Variants in KCNAB1 observed in about 807,000 individuals in gnomAD.
KCNAB1 encodes the protein voltage-gated potassium channel subunit beta-1.
In KCNAB1, 35 loss-of-function variants were observed where a neutral mutation model predicts 64.6. The observed-to-expected ratio is 0.54, with a 90% CI of 0.41 to 0.72. The LOEUF (loss-of-function observed/expected upper bound fraction) is 0.72. Ranked by LOEUF, KCNAB1 falls within the 30% of genes least tolerant of loss-of-function variation. The probability of loss-of-function intolerance (pLI) is 0.00; values close to 1 mark genes in which losing one functional copy is unlikely to be tolerated. For missense variants in KCNAB1, 401 were observed against 512.9 expected (o/e 0.78, Z 2.11); for synonymous variants, 177 against 183.8 (o/e 0.96, Z 0.30).
At chr3:156,219,695 TTTATTATTATTATTATTATTATTA>T (rs139168632) in intron 1 of KCNAB1, among the ~76,000 whole-genome samples, 2 of 146,740 alleles carry the variant, frequency 1.4e-5, no homozygotes, top group African/African-American at 5.0e-5. Context: ...AAGGAATCTT[TTTATTATTATTATTATTATTATTA>T]TTATTATTAT....
At chr3:156,501,457 T>A (rs1228956988) in intron 8 of KCNAB1, among the ~76,000 whole-genome samples, 1 of 123,776 alleles carries the variant, frequency 8.1e-6, no homozygotes, top group Non-Finnish European at 1.6e-5. Context: ...TTGAGAGGAG[T>A]CTCGCTCTGT....
chr3:156,271,393 C>A (rs1298656584), intron 1 of KCNAB1, among the ~76,000 whole-genome samples: 1 of 152,008 alleles, frequency 6.6e-6, no homozygotes, highest in Non-Finnish European at 1.5e-5. Flanking sequence ...TCTTTTGTCT[C>A]CTTTGACTGT....
At chr3:156,398,723 TTATA>T (rs367564252) in intron 1 of KCNAB1, among the ~76,000 whole-genome samples, 10 of 149,158 alleles carry the variant, frequency 6.7e-5, no homozygotes, top group African/African-American at 2.2e-4. Context: ...GAACTTAAAG[TTATA>T]TATATATATA....
chr3:156,300,342 C>G (rs2107986030), intron 1 of KCNAB1, among the ~76,000 whole-genome samples: 1 of 152,326 alleles, frequency 6.6e-6, no homozygotes, highest in Middle Eastern at 3.4e-3. Context: ...CATAAGGTTG[C>G]TGGTACTTGA....
intron 1 of KCNAB1, among the ~76,000 whole-genome samples, chr3:156,411,213 G>C (rs1714637363): frequency 6.6e-6 from 1 of 151,776 alleles, no homozygotes; most frequent in East Asian, 1.9e-4. Context: ...TTTTTCATAT[G>C]CTTATTTGCC....
intron 1 of KCNAB1, among the ~76,000 whole-genome samples, chr3:156,280,902 A>C (rs1046389284): frequency 1.3e-5 from 2 of 148,750 alleles, no homozygotes; most frequent in Middle Eastern, 3.5e-3. Context: ...CAATCATGTC[A>C]TCTGCAAACA....
intron 1 of KCNAB1, among the ~76,000 whole-genome samples, chr3:156,292,708 A>AT (rs1401244049): frequency 6.6e-6 from 1 of 152,042 alleles, no homozygotes; most frequent in African/African-American, 2.4e-5. Flanking sequence ...CACCCGGCTC[A>AT]TTTTTTATGT....
intron 1 of KCNAB1, among the ~76,000 whole-genome samples, chr3:156,420,958 CAT>C (rs149257099): frequency 3.3e-5 from 5 of 149,610 alleles, no homozygotes; most frequent in African/African-American, 7.3e-5. Flanking sequence ...CACACACACA[CAT>C]ATATATGTAA....
At chr3:156,489,793 A>G (rs1715503736) in intron 8 of KCNAB1, among the ~76,000 whole-genome samples, 1 of 152,080 alleles carries the variant, frequency 6.6e-6, no homozygotes, top group South Asian at 2.1e-4. Context: ...ATGACTTAGC[A>G]GAACTGAGGA....
chr3:156,528,395 T>C (rs757665638), intron 12 of KCNAB1, among the ~76,000 whole-genome samples: 2 of 152,234 alleles, frequency 1.3e-5, no homozygotes, highest in Non-Finnish European at 2.9e-5. Context: ...AAACATTTAA[T>C]AAGTTCCTAC....
chr3:156,143,569 G>GTTTTTTTGTTTTTTTTTTTTTTTT (rs1553807970), intron 1 of KCNAB1: 1 of 281,598 alleles, frequency 3.6e-6, no homozygotes, highest in Non-Finnish European at 6.2e-6. Context: ...TTGCATTCTT[G>GTTTTTTTGTTTTTTTTTTTTTTTT]TTTTTTTTTT....
At chr3:156,467,057 C>G (rs1713460066) in intron 7 of KCNAB1, among the ~76,000 whole-genome samples, 1 of 152,036 alleles carries the variant, frequency 6.6e-6, no homozygotes, top group South Asian at 2.1e-4. Context: ...CTTAGCCTAG[C>G]CTACCTTAAA....
At chr3:156,171,227 T>A (rs952297241) in intron 1 of KCNAB1, among the ~76,000 whole-genome samples, 24 of 76,918 alleles carry the variant, frequency 3.1e-4, no homozygotes, top group East Asian at 7.5e-4. Flanking sequence ...ACACACACAC[T>A]GAAATCAGTT....
intron 1 of KCNAB1, among the ~76,000 whole-genome samples, chr3:156,345,782 G>T (rs1417342874): frequency 6.6e-6 from 1 of 152,134 alleles, no homozygotes; most frequent in African/African-American, 2.4e-5. Context: ...ACTAGAAATG[G>T]AGGAGAAGAA....
At chr3:156,254,799 C>T (rs1043789274) in intron 1 of KCNAB1, among the ~76,000 whole-genome samples, 8 of 152,322 alleles carry the variant, frequency 5.3e-5, no homozygotes, top group African/African-American at 1.7e-4. Flanking sequence ...CGATTTCATA[C>T]AACCTCCTTT....
At chr3:156,477,323 A>G (rs1576917377) in intron 8 of KCNAB1, among the ~76,000 whole-genome samples, 1 of 152,230 alleles carries the variant, frequency 6.6e-6, no homozygotes, top group East Asian at 1.9e-4. Flanking sequence ...ATGGGAAGCT[A>G]TTTTATCCTG....
At chr3:156,336,067 T>A (rs772601436) in intron 1 of KCNAB1, among the ~76,000 whole-genome samples, 1 of 152,130 alleles carries the variant, frequency 6.6e-6, no homozygotes. Flanking sequence ...AGAACATATT[T>A]AAAAGTAACA....
At chr3:156,428,770 C>T (rs1415299772) in intron 2 of KCNAB1, among the ~76,000 whole-genome samples, 4 of 152,056 alleles carry the variant, frequency 2.6e-5, no homozygotes, top group Non-Finnish European at 5.9e-5. Flanking sequence ...CTGGGCTGTT[C>T]GCAGGTCAAG....
At chr3:156,374,034 T>C (rs1002661148) in intron 1 of KCNAB1, among the ~76,000 whole-genome samples, 5 of 152,232 alleles carry the variant, frequency 3.3e-5, no homozygotes, top group Non-Finnish European at 7.3e-5. Flanking sequence ...GACAAGTCGT[T>C]CAATCTCTCT....
Sources: allele counts gnomAD v4.1 joint callset (sites outside exome capture counted in the v4.1 genomes callset), GRCh38; gene constraint gnomAD v4.1.1; transcripts MANE v1.5; gene names NCBI Gene and HGNC (gene_info 2026-07-23, HGNC 2026-07-21).